Variants in CACNA2D3 observed in about 807,000 individuals in gnomAD.
The protein encoded by CACNA2D3 is voltage-dependent calcium channel subunit alpha-2/delta-3.
Under a neutral mutation model 160.6 loss-of-function variants are expected in CACNA2D3, and 60 were observed. The observed-to-expected ratio is 0.37, with a 90% confidence interval of 0.30 to 0.46. The LOEUF is 0.46. Among genes scored for constraint, CACNA2D3 ranks in the 20% least tolerant of loss-of-function variants. The pLI, the probability that CACNA2D3 is intolerant of heterozygous loss-of-function variation, is 1.00. For synonymous variants in CACNA2D3, 558 were observed against 492.9 expected, an observed-to-expected ratio of 1.13 and a Z score of -1.75; for missense variants, 1,205 against 1,365.0, an observed-to-expected ratio of 0.88 and a Z score of 1.85.
At chr3:55,056,182 G>T (rs1260100061) in intron 35 of CACNA2D3, among the ~76,000 whole-genome samples, 2 of 152,020 alleles carry the variant, frequency 1.3e-5, no homozygotes, top group Non-Finnish European at 2.9e-5. Context: ...ACATAGAAAT[G>T]GCCAATAGAT....
chr3:54,891,727 C>A (rs1700073330), intron 25 of CACNA2D3, among the ~76,000 whole-genome samples: 1 of 152,150 alleles, frequency 6.6e-6, no homozygotes, highest in Admixed American at 6.5e-5. Context: ...TTTCAGAACT[C>A]TGGGAGGTGG....
intron 4 of CACNA2D3, among the ~76,000 whole-genome samples, chr3:54,436,348 A>G (rs1213660858): frequency 2.0e-5 from 3 of 152,248 alleles, no homozygotes; most frequent in Non-Finnish European, 4.4e-5. Context: ...AATTAATTCA[A>G]CCATTGTGGA....
intron 35 of CACNA2D3, among the ~76,000 whole-genome samples, chr3:55,039,071 A>T (rs747002109): frequency 7.2e-5 from 11 of 151,980 alleles, no homozygotes; most frequent in Non-Finnish European, 1.6e-4. Context: ...AGTTACAAGA[A>T]CCAGAAAGGA....
At chr3:54,498,585 C>G (rs1701240257) in intron 4 of CACNA2D3, among the ~76,000 whole-genome samples, 1 of 151,638 alleles carries the variant, frequency 6.6e-6, no homozygotes, top group African/African-American at 2.4e-5. Context: ...CTGTACTTAT[C>G]TCTATTACTT....
At chr3:54,535,316 G>A (rs1380633138) in intron 5 of CACNA2D3, among the ~76,000 whole-genome samples, 1 of 152,192 alleles carries the variant, frequency 6.6e-6, no homozygotes. Context: ...AGGACTCACT[G>A]CTTTAAAATA....
rs553647637 is a variant in CACNA2D3 at position 54,786,209 on chromosome 3, G to A, written c.1380+21858G>A. On this transcript the variant is annotated intron_variant, in intron 13 of 37. Transcript: ENST00000474759. ...TGCTTGGGCTATTTTTAAATTATGCGTGGTAACTCTAGAGTAACGGTCACT... is the reference window on the plus strand; with the variant it reads ...TGCTTGGGCTATTTTTAAATTATGCATGGTAACTCTAGAGTAACGGTCACT... Among the ~76,000 whole-genome samples, 26 of 152,230 alleles carry A rather than the reference G, an allele frequency of 1.7e-4. No individual in the cohort carries two copies. The South Asian group carries it at 2.5e-3, about 15-fold the overall frequency.
chr3:54,562,774 C>CCT (rs139760387), intron 5 of CACNA2D3, 26 bp from the exon 6 acceptor site: 65 of 1,571,832 alleles, frequency 4.1e-5, no homozygotes, highest in Non-Finnish European at 5.4e-5. Context: ...CTAATACACC[C>CCT]CTCTCTCTCT....
At chr3:54,811,465 CTTTT>C (rs71096451) in intron 13 of CACNA2D3, among the ~76,000 whole-genome samples, 2 of 111,614 alleles carry the variant, frequency 1.8e-5, no homozygotes, top group African/African-American at 6.8e-5. Flanking sequence ...TCCCTCAGTT[CTTTT>C]TTTTTTTTTT....
rs372648247 is a variant in CACNA2D3, at chr3:54,744,176, G to A, written c.1168-8423G>A. On this transcript the variant is annotated intron_variant, in intron 11 of 37. Coordinates refer to ENST00000474759, the MANE Select transcript of CACNA2D3 (RefSeq NM_018398.3). ...ATCTGAATGTGAATAGCTGATATCT[G>A]CTCTGCACAAAACTGTCGCAGAATG... is the stretch of plus-strand genomic sequence containing the variant. Among the ~76,000 whole-genome samples, 11 of 152,274 alleles carry A rather than the reference G, an allele frequency of 7.2e-5. 1 individual carries two copies. Among genetic ancestry groups the A allele is most frequent in the African/African-American group, 2.4e-4 (10 of 41,550 alleles).
intron 3 of CACNA2D3, among the ~76,000 whole-genome samples, chr3:54,321,812 C>T (rs1008581148): frequency 6.7e-6 from 1 of 150,020 alleles, no homozygotes; most frequent in East Asian, 2.0e-4. Flanking sequence ...CAGAAGCAAT[C>T]TTCAAGGTTC....
chr3:54,758,059 T>C (rs1702007633), intron 12 of CACNA2D3, among the ~76,000 whole-genome samples: 1 of 152,166 alleles, frequency 6.6e-6, no homozygotes, highest in South Asian at 2.1e-4. Flanking sequence ...GAGCTGGGAT[T>C]TATGCCCAGC....
At chr3:54,259,786 A>G (rs1043898982) in intron 2 of CACNA2D3, among the ~76,000 whole-genome samples, 3 of 152,230 alleles carry the variant, frequency 2.0e-5, no homozygotes, top group South Asian at 2.1e-4. Context: ...AAGCCTGCCA[A>G]TGCATTTATG....
chr3:54,217,970 TAGAG>T (rs745955170), intron 2 of CACNA2D3, among the ~76,000 whole-genome samples: 4 of 151,026 alleles, frequency 2.6e-5, no homozygotes, highest in East Asian at 1.9e-4. Flanking sequence ...GGGGGTGTTT[TAGAG>T]AGAGAGAGGC....
chr3:54,347,667 A>G (rs1162565329), intron 3 of CACNA2D3, among the ~76,000 whole-genome samples: 1 of 151,866 alleles, frequency 6.6e-6, no homozygotes, highest in Non-Finnish European at 1.5e-5. Context: ...AAAAAAAAAA[A>G]CAAAAAACAC....
chr3:54,997,042 G>A (rs1171041685), intron 31 of CACNA2D3, among the ~76,000 whole-genome samples: 1 of 152,138 alleles, frequency 6.6e-6, no homozygotes, highest in Non-Finnish European at 1.5e-5. Flanking sequence ...GACTAGGGGA[G>A]GGATAGCATT....
intron 2 of CACNA2D3, among the ~76,000 whole-genome samples, chr3:54,237,749 C>T (rs1304377865): frequency 6.6e-6 from 1 of 152,210 alleles, no homozygotes. Context: ...AGCATGCTGA[C>T]TCTGGCTCAG....
At chr3:54,706,885 C>A (rs1445848338) in intron 11 of CACNA2D3, among the ~76,000 whole-genome samples, 1 of 152,212 alleles carries the variant, frequency 6.6e-6, no homozygotes, top group Non-Finnish European at 1.5e-5. Flanking sequence ...GGAAACTTTC[C>A]ATCAGCTACT....
At chr3:54,407,902 A>G (rs1699603985) in intron 4 of CACNA2D3, among the ~76,000 whole-genome samples, 1 of 152,170 alleles carries the variant, frequency 6.6e-6, no homozygotes, top group Admixed American at 6.5e-5. Context: ...CATCCGTAAA[A>G]GGATGCACTT....
At chr3:54,791,044 T>TC (rs1291388471) in intron 13 of CACNA2D3, among the ~76,000 whole-genome samples, 1 of 151,718 alleles carries the variant, frequency 6.6e-6, no homozygotes, top group Admixed American at 6.6e-5. Flanking sequence ...CTTTGTATTT[T>TC]TTTTTTTAAC....
Sources: allele counts gnomAD v4.1 joint callset (sites outside exome capture counted in the v4.1 genomes callset), GRCh38; gene constraint gnomAD v4.1.1; transcripts MANE v1.5; gene names NCBI Gene and HGNC (gene_info 2026-07-23, HGNC 2026-07-21).